NLGN1: variants seen among roughly 807,000 people sequenced by gnomAD.
NLGN1 encodes the protein neuroligin 1.
Under a neutral mutation model 65.5 loss-of-function variants are expected in NLGN1, and 12 were observed. The ratio of observed to expected loss-of-function variants is 0.18; its 90% CI spans 0.12 to 0.30. The LOEUF (loss-of-function observed/expected upper bound fraction) is 0.30, where lower values mean the gene tolerates loss of function less well. NLGN1 is among the 10% of genes least tolerant of loss of function. NLGN1 has a pLI of 1.00. For synonymous variants in NLGN1, 350 were observed against 359.5 expected (o/e 0.97, Z 0.30); for missense variants, 750 against 1,007.1 (o/e 0.74, Z 3.46).
intron 3 of NLGN1, among the ~76,000 whole-genome samples, chr3:173,669,672 T>C (rs1015829921): frequency 2.6e-5 from 4 of 152,204 alleles, no homozygotes; most frequent in South Asian, 2.1e-4. Context: ...ATAGGTGAAT[T>C]TGTGGGGACA....
chr3:173,933,235 C>T (rs1744438721), intron 4 of NLGN1, among the ~76,000 whole-genome samples: 1 of 152,098 alleles, frequency 6.6e-6, no homozygotes, highest in African/African-American at 2.4e-5. Flanking sequence ...ACACTAGAAG[C>T]TCAGAGAATG....
chr3:174,293,838 A>T, the NLGN1 span, among the ~76,000 whole-genome samples: 1 of 151,702 alleles, frequency 6.6e-6, no homozygotes, highest in Admixed American at 6.6e-5. Flanking sequence ...TTATTTGTAT[A>T]GATTTTACAA....
At chr3:173,907,803 T>A (rs1738752350) in intron 4 of NLGN1, among the ~76,000 whole-genome samples, 1 of 152,028 alleles carries the variant, frequency 6.6e-6, no homozygotes, top group Non-Finnish European at 1.5e-5. Context: ...CAGGCTGGTC[T>A]CGAACTCCTG....
chr3:173,815,253 G>A (rs564850697), intron 4 of NLGN1, among the ~76,000 whole-genome samples: 3 of 151,726 alleles, frequency 2.0e-5, no homozygotes, highest in South Asian at 2.1e-4. Flanking sequence ...TACTACAGGC[G>A]CCTGCCACCA....
chr3:174,010,415 A>G (rs1725294681), intron 4 of NLGN1, among the ~76,000 whole-genome samples: 1 of 152,176 alleles, frequency 6.6e-6, no homozygotes, highest in African/African-American at 2.4e-5. Context: ...CCCAAGAAAT[A>G]CTGTTGTTTG....
chr3:174,279,240 T>C lies in NLGN1; in HGVS notation c.1239T>C (p.Phe413=). 1.2e-6 allele frequency: 2 copies of C among 1,613,376 alleles called. No individual in the cohort carries two copies. Among genetic ancestry groups the C allele is most frequent in the East Asian group, 2.2e-5 (1 of 44,838 alleles). The change falls in exon 6 of 7, where the codon TTT becomes TTC. Residue 413 remains phenylalanine (F), a synonymous_variant. Coordinates refer to ENST00000457714, the Ensembl canonical transcript of NLGN1. This position sits in a 1 kb window ranked among gnomAD's most constrained non-coding sequence, Gnocchi z 4.7. ...GTATATCAGCTAGTGATTTTGACTT[T>C]GCTGTTTCAAATTTTGTTGATAATT... is the stretch of plus-strand genomic sequence containing the variant.
intron 4 of NLGN1, among the ~76,000 whole-genome samples, chr3:174,135,471 C>T (rs1422853463): frequency 2.0e-5 from 3 of 152,128 alleles, no homozygotes; most frequent in Admixed American, 6.5e-5. Flanking sequence ...TTCTAACCCT[C>T]GAGAGATGTT....
intron 4 of NLGN1, among the ~76,000 whole-genome samples, chr3:174,123,410 G>A (rs1718194440): frequency 6.6e-6 from 1 of 150,392 alleles, no homozygotes; most frequent in South Asian, 2.1e-4. Context: ...TTTTGTTGTT[G>A]TTTTGTTTAC....
chr3:173,707,521 A>G lies in NLGN1; in HGVS notation c.494-100159A>G, dbSNP rs73880548. ...AAATATAATAATTATATATTATTAC[A>G]AATAAGATTTCTGAATTCTTACCTC... On this transcript the variant is annotated intron_variant, in intron 3 of 6. Coordinates refer to ENST00000457714, the Ensembl canonical transcript of NLGN1. Among the ~76,000 whole-genome samples, 568 of 152,122 alleles carry G rather than the reference A, an allele frequency of 3.7e-3. 4 individuals carry two copies. The highest frequency in any genetic ancestry group is 0.013 in the African/African-American group (542 of 41,548).
At chr3:174,130,068 C>G (rs1300592249) in intron 4 of NLGN1, among the ~76,000 whole-genome samples, 2 of 152,202 alleles carry the variant, frequency 1.3e-5, no homozygotes, top group African/African-American at 2.4e-5. Context: ...ATAGCACTAT[C>G]CTGAGATCAA....
intron 4 of NLGN1, among the ~76,000 whole-genome samples, chr3:174,033,169 G>A (rs986419556): frequency 3.3e-5 from 5 of 151,886 alleles, no homozygotes; most frequent in African/African-American, 7.3e-5. Context: ...ATAGAACAAC[G>A]GTTACAGCTG....
rs560111187 is a variant in NLGN1 at position 173,455,085 on chromosome 3, G to A, written c.-321+20007G>A. Among the ~76,000 whole-genome samples the A allele has an allele frequency of 9.1e-4, 139 of 152,268 alleles. 1 individual carries two copies. The highest frequency in any genetic ancestry group is 1.8e-3 in the Non-Finnish European group (125 of 68,032). On this transcript the variant is annotated intron_variant, in intron 2 of 6. Coordinates refer to ENST00000457714, the Ensembl canonical transcript of NLGN1. ...CTATCTTAGATGGCTGCAGTTCACA[G>A]CACTCCAAAACAATTACAAAAGTAA...
intron 3 of NLGN1, among the ~76,000 whole-genome samples, chr3:173,801,306 A>G (rs909550383): frequency 1.9e-4 from 29 of 152,090 alleles, no homozygotes; most frequent in Non-Finnish European, 3.8e-4. Flanking sequence ...TTTGGTTCCA[A>G]TCAGGATTAA....
chr3:174,243,157 G>C (rs1743201369), intron 4 of NLGN1, among the ~76,000 whole-genome samples: 1 of 152,166 alleles, frequency 6.6e-6, no homozygotes, highest in Admixed American at 6.5e-5. Context: ...CAAGCCACTG[G>C]TGTATTTAAA....
intron 4 of NLGN1, among the ~76,000 whole-genome samples, chr3:174,235,258 A>G (rs1234678670): frequency 1.3e-5 from 2 of 151,582 alleles, no homozygotes; most frequent in Non-Finnish European, 2.9e-5. Flanking sequence ...CTACCTCCTT[A>G]CCCCTCCTTC....
chr3:173,476,924 G>A (rs566048360), intron 2 of NLGN1, among the ~76,000 whole-genome samples: 4 of 152,272 alleles, frequency 2.6e-5, no homozygotes, highest in South Asian at 2.1e-4. Flanking sequence ...CTGAGTCAAC[G>A]TAGTTGTGGA....
intron 4 of NLGN1, among the ~76,000 whole-genome samples, chr3:174,197,753 T>TGA (rs1420714808): frequency 6.7e-6 from 1 of 149,654 alleles, no homozygotes; most frequent in Non-Finnish European, 1.5e-5. Context: ...CATTATCTCG[T>TGA]GTGTGTGTGT....
rs188194673 is a variant in NLGN1 at position 174,165,010 on chromosome 3, G to T, written c.647-110305G>T. On this transcript the variant is annotated intron_variant, in intron 4 of 6. Coordinates refer to ENST00000457714, the Ensembl canonical transcript of NLGN1. Reference sequence around the variant, plus strand: ...GTCATCTCTGATTTCTTACAGCAGTGCTTTAAAATTCTCATTGTAGAGATC... The same window carrying T: ...GTCATCTCTGATTTCTTACAGCAGTTCTTTAAAATTCTCATTGTAGAGATC... 8.8e-4 allele frequency among the ~76,000 whole-genome samples: 134 copies of T among 152,104 alleles called. No individual in the cohort carries two copies. In the Middle Eastern group the frequency reaches 0.014, roughly 15 times the overall value.
intron 4 of NLGN1, among the ~76,000 whole-genome samples, chr3:174,152,592 A>G (rs927755402): frequency 3.3e-5 from 5 of 151,992 alleles, no homozygotes; most frequent in Non-Finnish European, 5.9e-5. Flanking sequence ...ACATGTATAC[A>G]TATGTAACAA....
Sources: allele counts gnomAD v4.1 joint callset (sites outside exome capture counted in the v4.1 genomes callset), GRCh38; gene constraint gnomAD v4.1.1; non-coding constraint Gnocchi (gnomAD v3.1); transcripts MANE v1.5; gene names NCBI Gene and HGNC (gene_info 2026-07-23, HGNC 2026-07-21).